The following ENOSF1 variants were observed in gnomAD, a reference collection of about 807,000 sequenced individuals.
The protein encoded by ENOSF1 is enolase superfamily member 1.
A neutral mutation model predicts 68.2 loss-of-function variants in ENOSF1; 73 were observed. That is an observed-to-expected ratio of 1.07 (90% CI 0.89 to 1.30). The LOEUF is 1.30. Among genes scored for constraint, ENOSF1 ranks in the 50% most tolerant of loss-of-function variants. ENOSF1 has a pLI of 0.00. For missense variants in ENOSF1, 589 were observed against 554.5 expected (o/e 1.06, Z -0.62); for synonymous variants, 223 against 210.4 (o/e 1.06, Z -0.52).
chr18:682,715 CA>C (rs35814994), intron 11 of ENOSF1, among the ~76,000 whole-genome samples: 568 of 56,662 alleles, frequency 0.01, 2 homozygotes, highest in South Asian at 0.039. Flanking sequence ...CTAAAAATAC[CA>C]AAAAAAAAAA....
In ENOSF1 at chr18:670,753, T is replaced by C. The variant is rs1318427724; in HGVS notation, c.*3552A>G. On this transcript the variant is annotated 3_prime_UTR_variant, in exon 16 of 16. Transcript: ENST00000647584. ...TCTGCCAGTTCTATGTGGTGAACAG[T>C]GAGCTGTCCTGCCAGCTGTACCAGA... 2 of 1,613,946 alleles carry C rather than the reference T, an allele frequency of 1.2e-6. No homozygotes were observed. The highest frequency in any genetic ancestry group is 8.5e-7 in the Non-Finnish European group (1 of 1,179,954).
At chr18:667,561 ATGGT>A (rs1382320605), downstream of ENOSF1, among the ~76,000 whole-genome samples, 6 of 90,320 alleles carry the variant, frequency 6.6e-5, no homozygotes, top group African/African-American at 1.4e-4. Context: ...GGAGATGGTG[ATGGT>A]GATGGAGATG....
intron 1 of ENOSF1, among the ~76,000 whole-genome samples, chr18:709,688 T>C (rs1235155867): frequency 4.6e-5 from 7 of 151,940 alleles, no homozygotes. Flanking sequence ...CGAGAATCAT[T>C]TGCATATGGG....
At chr18:689,673 T>C (rs2076956388) in intron 8 of ENOSF1, among the ~76,000 whole-genome samples, 2 of 152,054 alleles carry the variant, frequency 1.3e-5, no homozygotes, top group Admixed American at 1.3e-4. Flanking sequence ...GGAATATATA[T>C]TTTGTCTCTG....
chr18:678,607 G>A lies in ENOSF1; in HGVS notation c.918+89C>T, dbSNP rs933724323. 7.7e-6 allele frequency: 10 copies of A among 1,299,528 alleles called. No homozygotes were observed. The African/African-American group carries it at 1.0e-4, about 13-fold the overall frequency. 80.5% of individuals were successfully genotyped at this position (1,299,528 alleles called of 1,614,324 possible). On this transcript the variant is annotated intron_variant, in intron 12 of 15. Transcript: ENST00000647584. ...CCAACTCAAAGTACAGCAGGTGATGGAGCCTAACACACAACTGTGTCCTCG... is the reference window on the plus strand; with the variant it reads ...CCAACTCAAAGTACAGCAGGTGATGAAGCCTAACACACAACTGTGTCCTCG...
intron 9 of ENOSF1, chr18:687,538 C>G (rs1368282147): frequency 6.6e-6 from 1 of 152,186 alleles, no homozygotes; most frequent in Non-Finnish European, 1.5e-5. Flanking sequence ...AGATAGGAAG[C>G]CTGGTGACAT....
At chr18:682,394 C>T (rs534338415) in intron 11 of ENOSF1, among the ~76,000 whole-genome samples, 2 of 152,116 alleles carry the variant, frequency 1.3e-5, no homozygotes, top group South Asian at 2.1e-4. Flanking sequence ...AAAGGTAATG[C>T]GTTGCACCAC....
chr18:683,106 TCA>T, intron 11 of ENOSF1, 138 bp downstream of exon 11: 4 of 1,006,710 alleles, frequency 4.0e-6, no homozygotes, highest in Non-Finnish European at 5.8e-6. Flanking sequence ...CCTGTATTTG[TCA>T]CACATTACAA....
intron 2 of ENOSF1, among the ~76,000 whole-genome samples, chr18:701,157 C>T (rs1321005581): frequency 6.6e-6 from 1 of 152,094 alleles, no homozygotes; most frequent in Non-Finnish European, 1.5e-5. Context: ...AAAATTTTGT[C>T]TATTTAAAAA....
intron 7 of ENOSF1, 143 bp from the exon 8 acceptor site, chr18:690,774 C>T (rs1213863613): frequency 6.8e-7 from 1 of 1,465,126 alleles, no homozygotes; most frequent in Admixed American, 2.2e-5. Context: ...CCACAAATTA[C>T]TAGGATGTCA....
chr18:701,518 G>A (rs1238164785), intron 2 of ENOSF1, among the ~76,000 whole-genome samples: 2 of 152,170 alleles, frequency 1.3e-5, no homozygotes, highest in Non-Finnish European at 2.9e-5. Context: ...ACTTTGGGAG[G>A]TCAAGGCGGG....
downstream of ENOSF1, chr18:669,164 A>G (rs760265884): frequency 1.2e-6 from 2 of 1,614,044 alleles, no homozygotes; most frequent in Non-Finnish European, 1.7e-6. Flanking sequence ...GTGCGCTTGG[A>G]ATCCAAGAGG....
chr18:693,195 G>A (rs1335726710), intron 5 of ENOSF1: 2 of 1,289,114 alleles, frequency 1.6e-6, no homozygotes, highest in African/African-American at 1.5e-5. Context: ...AAAGGTCAAG[G>A]AGAAAGAAAA....
At chr18:704,055 TCTGTAAAAC>T (rs1363372440) in intron 2 of ENOSF1, among the ~76,000 whole-genome samples, 3 of 152,162 alleles carry the variant, frequency 2.0e-5, no homozygotes, top group African/African-American at 7.2e-5. Flanking sequence ...CATCATGCTT[TCTGTAAAAC>T]CTGCAGAACC....
Position 671,131 on chromosome 18 carries a change from G to A in ENOSF1, c.*3174C>T. ...TTCTCAAAAGCTATGCTGAGGTTGG[G>A]TATGGTGGCTCATGCCTGTAATCCC... is the stretch of plus-strand genomic sequence containing the variant. On this transcript the variant is annotated 3_prime_UTR_variant, in exon 16 of 16. Transcript: ENST00000647584. 1 of 615,832 alleles carries A rather than the reference G, an allele frequency of 1.6e-6. No homozygotes were observed. The highest frequency in any genetic ancestry group is 2.8e-6 in the Non-Finnish European group (1 of 354,188). The allele number at this position is 615,832 out of a possible 1,614,324, so 38.1% of individuals were successfully genotyped here. A position where few individuals can be genotyped will look rare whatever the true frequency, so the allele number is the denominator to read the frequency against.
chr18:680,730 G>C (rs1345463861), intron 11 of ENOSF1, among the ~76,000 whole-genome samples: 1 of 149,194 alleles, frequency 6.7e-6, no homozygotes, highest in Non-Finnish European at 1.5e-5. Flanking sequence ...GCCCAGGCTG[G>C]AGTGCAATGG....
rs775884056 is a variant in ENOSF1, at chr18:693,871, A to G, written c.423+11T>C. The G allele has an allele frequency of 6.2e-7, 1 of 1,613,938 alleles. No homozygotes were observed. The highest frequency in any genetic ancestry group is 1.1e-5 in the South Asian group (1 of 90,978). ...TACAGAAACAATTGTAACATTAACA[A>G]TGCTACTCACCATGTCCACAAGTAA... On this transcript the variant is annotated intron_variant, in intron 5 of 15. Coordinates refer to ENST00000647584, the MANE Select transcript of ENOSF1 (RefSeq NM_017512.7).
At chr18:694,460 G>A (rs144699525) in intron 3 of ENOSF1, 126 bp from the exon 4 acceptor site, 70 of 782,546 alleles carry the variant, frequency 8.9e-5, no homozygotes, top group African/African-American at 8.9e-4. Flanking sequence ...GTGAAACCCC[G>A]TCTCTACTGA....
At chr18:691,353 T>C (rs1365424058) in intron 5 of ENOSF1, 77 bp from the exon 6 acceptor site, 2 of 1,261,340 alleles carry the variant, frequency 1.6e-6, no homozygotes, top group Non-Finnish European at 2.2e-6. Flanking sequence ...AAATTTATTA[T>C]TCTTTTTTTA....
Sources: gnomAD v4.1 joint callset for allele counts (sites outside exome capture counted in the v4.1 genomes callset) on GRCh38, gnomAD v4.1.1 for gene constraint, MANE v1.5 for transcripts, NCBI Gene and HGNC (gene_info 2026-07-23, HGNC 2026-07-21) for gene names.